Variants in PSMD11 observed in about 807,000 individuals in gnomAD.
PSMD11 encodes the protein 26S proteasome non-ATPase regulatory subunit 11.
A neutral mutation model predicts 62.3 loss-of-function variants in PSMD11; 5 were observed. The ratio of observed to expected loss-of-function variants is 0.08; its 90% CI spans 0.04 to 0.17. The LOEUF (loss-of-function observed/expected upper bound fraction) is 0.17. Among genes scored for constraint, PSMD11 ranks in the 10% least tolerant of loss-of-function variants. The probability of loss-of-function intolerance (pLI) is 1.00; values close to 1 mark genes in which losing one functional copy is unlikely to be tolerated. For synonymous variants in PSMD11, 191 were observed against 191.8 expected (o/e 1.00, Z 0.03); for missense variants, 310 against 512.9 (o/e 0.60, Z 3.82).
chr17:32,466,076 A>G (rs887577394), intron 5 of PSMD11, among the ~76,000 whole-genome samples: 2 of 151,002 alleles, frequency 1.3e-5, no homozygotes, highest in African/African-American at 4.9e-5. Context: ...GCTCACTGCA[A>G]CCTCCGTCTC....
In PSMD11 at chr17:32,447,043, G is replaced by A; in HGVS notation, c.190G>A (p.Ala64Thr). 5 of 1,598,770 alleles carry A rather than the reference G, an allele frequency of 3.1e-6. No individual in the cohort carries two copies. Among genetic ancestry groups the A allele is most frequent in the Non-Finnish European group, 4.3e-6 (5 of 1,168,080 alleles). The change falls in exon 2 of 14, where the codon GCA (alanine) becomes ACA (threonine). Residue 64 changes from alanine to threonine, a missense_variant. Coordinates refer to ENST00000261712, the MANE Select transcript of PSMD11 (RefSeq NM_002815.4). ...GSLLAKTGQA[A>T]ELGGLLKYVR... is the part of the protein sequence containing the mutation. ...TCTCCTGGCAAAGACTGGACAAGCT[G>A]CAGGTAAGTGCTACACATGGATTGT... is the stretch of plus-strand genomic sequence containing the variant.
chr17:32,477,272 C>T (rs967517000), intron 8 of PSMD11: 4 of 394,236 alleles, frequency 1.0e-5, no homozygotes, highest in Non-Finnish European at 1.8e-5. Flanking sequence ...ATATTAGGGT[C>T]GGTCTGTTTG....
chr17:32,475,894 C>T (rs527510173), intron 8 of PSMD11, among the ~76,000 whole-genome samples: 21 of 152,050 alleles, frequency 1.4e-4, no homozygotes, highest in African/African-American at 4.6e-4. Flanking sequence ...CATCCAGCCA[C>T]GCATCTTCCA....
chr17:32,469,266 G>A (rs1172478610), intron 6 of PSMD11, 73 bp downstream of exon 6: 2 of 1,457,364 alleles, frequency 1.4e-6, no homozygotes, highest in South Asian at 1.3e-5. Context: ...AGGAATGGGG[G>A]TTGGGGCTGG....
intron 5 of PSMD11, among the ~76,000 whole-genome samples, chr17:32,465,999 CT>C (rs755721626): frequency 1.5e-4 from 22 of 148,698 alleles, no homozygotes; most frequent in Non-Finnish European, 3.1e-4. Context: ...AATTTCAGAA[CT>C]TTTTTTTTTC....
intron 1 of PSMD11, chr17:32,444,958 C>T (rs1907286283): frequency 2.6e-6 from 1 of 386,968 alleles, no homozygotes; most frequent in Non-Finnish European, 4.6e-6. Flanking sequence ...GGAGCAGTGC[C>T]GGCCGGCGTG....
rs1232231248 is a variant in PSMD11, at chr17:32,482,596, C to T, written c.*1844C>T. On this transcript the variant is annotated 3_prime_UTR_variant, in exon 14 of 14. Transcript: ENST00000261712. ...TGGAAATGAGTTCAGGTGTCTTCTT[C>T]CAGGGCAGCATGGTCCAGTGAGCAC... The T allele has an allele frequency of 6.6e-6, 1 of 152,240 alleles. No homozygotes were observed. The highest frequency in any genetic ancestry group is 1.5e-5 in the Non-Finnish European group (1 of 68,112). 9.4% of individuals were successfully genotyped at this position (152,240 alleles called of 1,614,324 possible). A position where few individuals can be genotyped will look rare whatever the true frequency, so the allele number is the denominator to read the frequency against.
chr17:32,469,014 G>A lies in PSMD11; in HGVS notation c.464G>A (p.Arg155Gln), dbSNP rs775564576. The A allele has an allele frequency of 3.7e-6, 6 of 1,613,692 alleles. No individual in the cohort carries two copies. In the South Asian group the frequency reaches 4.4e-5, roughly 12 times the overall value. ...EALHLGSQLL[R>Q]ELKKMDDKAL... ...CCTTTTTCAGGTTCTCAGCTGCTGC[G>A]GGAGTTGAAAAAGATGGACGACAAA... is the stretch of plus-strand genomic sequence containing the variant. The change falls in exon 6 of 14, where the codon CGG becomes CAG. Residue 155 changes from arginine to glutamine, a missense_variant. By Grantham distance (43) the Arg-to-Gln change is conservative. Around this residue, in one of 6 missense-constraint regions of PSMD11, gnomAD observed 47 missense variants for 59.0 expected, o/e 0.80. Transcript: ENST00000261712.
chr17:32,482,266 G>A lies in PSMD11; in HGVS notation c.*1514G>A, dbSNP rs1434455306. On this transcript the variant is annotated 3_prime_UTR_variant, in exon 14 of 14. Coordinates refer to ENST00000261712, the MANE Select transcript of PSMD11 (RefSeq NM_002815.4). ...TCTTTCCCCATCATGTCTAGTCACTGTTTTGGTTTTGGCACCATCAGTATC... is the reference window on the plus strand; with the variant it reads ...TCTTTCCCCATCATGTCTAGTCACTATTTTGGTTTTGGCACCATCAGTATC... 1 of 152,060 alleles carries A rather than the reference G, an allele frequency of 6.6e-6. No homozygotes were observed. The highest frequency in any genetic ancestry group is 1.9e-4 in the East Asian group (1 of 5,202). 9.4% of individuals were successfully genotyped at this position (152,060 alleles called of 1,614,324 possible).
At chr17:32,472,555 T>TA (rs1360006146) in intron 6 of PSMD11, among the ~76,000 whole-genome samples, 1 of 150,620 alleles carries the variant, frequency 6.6e-6, no homozygotes, top group African/African-American at 2.4e-5. Context: ...TTTTTTTTTT[T>TA]AAGACGGAGT....
chr17:32,449,616 A>G (rs1907430978), intron 2 of PSMD11, among the ~76,000 whole-genome samples: 1 of 152,190 alleles, frequency 6.6e-6, no homozygotes, highest in Non-Finnish European at 1.5e-5. Context: ...GTGTACTGCT[A>G]AAGCTATTGG....
chr17:32,479,352 C>A lies in PSMD11; in HGVS notation c.1014C>A (p.Val338=). 2 of 1,614,174 alleles carry A rather than the reference C, an allele frequency of 1.2e-6. No homozygotes were observed. The highest frequency in any genetic ancestry group is 1.7e-6 in the Non-Finnish European group (2 of 1,180,030). ...TACTAGAACAGAATCTGATCCGAGT[C>A]ATTGAGCCTTTTTCCAGAGTACAGG... ...DNLLEQNLIR[V]IEPFSRVQIE... The change falls in exon 10 of 14, where the codon GTC becomes GTA. Residue 338 remains valine (V), a synonymous_variant. Coordinates refer to ENST00000261712, the MANE Select transcript of PSMD11 (RefSeq NM_002815.4).
intron 11 of PSMD11, 36 bp from the exon 12 acceptor site, chr17:32,480,110 G>A (rs188203170): frequency 1.2e-6 from 2 of 1,601,442 alleles, no homozygotes; most frequent in East Asian, 2.2e-5. Context: ...CTGACTAGTG[G>A]ATACTGGTCC....
chr17:32,457,616 G>C (rs929396775), intron 3 of PSMD11, among the ~76,000 whole-genome samples: 2 of 152,020 alleles, frequency 1.3e-5, no homozygotes, highest in African/African-American at 4.8e-5. Context: ...ACCTCTTTTG[G>C]TAATTTTTGT....
chr17:32,471,525 T>C (rs1908160977), intron 6 of PSMD11, among the ~76,000 whole-genome samples: 1 of 152,208 alleles, frequency 6.6e-6, no homozygotes, highest in African/African-American at 2.4e-5. Context: ...TGCATAAATA[T>C]AAAACTATCA....
At chr17:32,473,395 G>C (rs1007164159) in intron 6 of PSMD11, among the ~76,000 whole-genome samples, 21 of 151,826 alleles carry the variant, frequency 1.4e-4, no homozygotes, top group Non-Finnish European at 2.1e-4. Flanking sequence ...TCCTTCCTCA[G>C]CCTCCCGAGT....
chr17:32,467,710 C>G (rs1489136101), intron 5 of PSMD11, among the ~76,000 whole-genome samples: 2 of 152,180 alleles, frequency 1.3e-5, no homozygotes, highest in Non-Finnish European at 2.9e-5. Flanking sequence ...ATCCTGGGCT[C>G]CAGCAATCCT....
chr17:32,479,395 C>G lies in PSMD11; in HGVS notation c.1038+19C>G. On this transcript the variant is annotated intron_variant, in intron 10 of 13. Coordinates refer to ENST00000261712, the MANE Select transcript of PSMD11 (RefSeq NM_002815.4). ...AGTACAGGTGAGAACCCTCTGGGGACTCCATTTCTGGCCAGGCATTCTCAC... is the reference window on the plus strand; with the variant it reads ...AGTACAGGTGAGAACCCTCTGGGGAGTCCATTTCTGGCCAGGCATTCTCAC... 1 of 1,612,282 alleles carries G rather than the reference C, an allele frequency of 6.2e-7. No individual in the cohort carries two copies. Among genetic ancestry groups the G allele is most frequent in the Non-Finnish European group, 8.5e-7 (1 of 1,179,050 alleles).
intron 5 of PSMD11, among the ~76,000 whole-genome samples, chr17:32,465,469 A>T (rs1048012975): frequency 6.6e-6 from 1 of 152,112 alleles, no homozygotes; most frequent in Non-Finnish European, 1.5e-5. Context: ...ACAAAAGAAC[A>T]TGGCTCTTAT....
Sources: allele counts gnomAD v4.1 joint callset (sites outside exome capture counted in the v4.1 genomes callset), GRCh38; gene constraint gnomAD v4.1.1; regional missense constraint gnomAD v4.1.1; transcripts MANE v1.5; gene names NCBI Gene and HGNC (gene_info 2026-07-23, HGNC 2026-07-21).